The following TBPL2 variants were observed in gnomAD, a reference collection of about 807,000 sequenced individuals.
TBPL2 encodes TATA-box binding protein like 2.
In TBPL2, 40 loss-of-function variants were observed where a neutral mutation model predicts 38.2. That is an observed-to-expected ratio of 1.05 (90% CI 0.81 to 1.36). TBPL2 has a LOEUF of 1.36. TBPL2 is among the 40% of genes most tolerant of loss of function. TBPL2 has a pLI of 0.00. For synonymous variants in TBPL2, 169 were observed against 171.7 expected (o/e 0.98, Z 0.12); for missense variants, 461 against 456.7 (o/e 1.01, Z -0.09).
At chr14:55,436,494 G>T in intron 2 of TBPL2, 67 bp downstream of exon 2, 1 of 1,329,136 alleles carries the variant, frequency 7.5e-7, no homozygotes, top group Non-Finnish European at 1.1e-6. Context: ...GAAATTAGTT[G>T]TCATCGCATT....
At chr14:55,436,291 C>G (rs1192659157) in intron 2 of TBPL2, among the ~76,000 whole-genome samples, 2 of 152,326 alleles carry the variant, frequency 1.3e-5, no homozygotes, top group South Asian at 4.1e-4. Context: ...TCAGCAACTA[C>G]AGTGCTGTAG....
exon 2 of TBPL2, chr14:55,436,798 T>C (rs1367941720): frequency 9.3e-6 from 15 of 1,614,252 alleles, no homozygotes; most frequent in Non-Finnish European, 1.2e-5. Flanking sequence ...GCTTTCAGAA[T>C]TTTCTTCAGT....
intron 6 of TBPL2, among the ~76,000 whole-genome samples, chr14:55,421,308 G>A (rs1010747148): frequency 2.6e-5 from 4 of 152,208 alleles, no homozygotes; most frequent in African/African-American, 4.8e-5. Flanking sequence ...TTATTGGCAG[G>A]CTTTTCTCAC....
chr14:55,431,608 TC>T (rs1885927036), intron 4 of TBPL2, among the ~76,000 whole-genome samples: 1 of 152,336 alleles, frequency 6.6e-6, no homozygotes, highest in East Asian at 1.9e-4. Flanking sequence ...AAATGGAGAT[TC>T]CTGGGATCAA....
At chr14:55,429,064 C>T (rs919567689) in intron 4 of TBPL2, 90 bp from the exon 5 acceptor site, 67 of 1,479,364 alleles carry the variant, frequency 4.5e-5, no homozygotes, top group Non-Finnish European at 5.4e-5. Flanking sequence ...ATTTGTACCA[C>T]GTTTATCTTT....
intron 4 of TBPL2, among the ~76,000 whole-genome samples, chr14:55,429,656 C>T (rs890405960): frequency 3.3e-5 from 5 of 150,576 alleles, no homozygotes; most frequent in Non-Finnish European, 7.4e-5. Flanking sequence ...ATCCCAGCTA[C>T]TCAGGAGGCT....
chr14:55,436,043 G>A, intron 2 of TBPL2, 109 bp from the exon 3 acceptor site: 3 of 617,986 alleles, frequency 4.9e-6, no homozygotes, highest in Non-Finnish European at 7.9e-6. Flanking sequence ...ATTTCCTAGG[G>A]GGAGAATTAT....
At chr14:55,414,348 C>T (rs1885637120) in exon 7 of TBPL2, 2 of 1,528,210 alleles carry the variant, frequency 1.3e-6, no homozygotes, top group Admixed American at 1.9e-5. Context: ...CATATTCAAA[C>T]CAGAATAATG....
chr14:55,421,486 T>C (rs1885744156), intron 6 of TBPL2, among the ~76,000 whole-genome samples: 1 of 152,184 alleles, frequency 6.6e-6, no homozygotes, highest in African/African-American at 2.4e-5. Flanking sequence ...TTAATTAAGA[T>C]GAAGTCTCAC....
At chr14:55,424,880 C>A (rs1314751192) in intron 5 of TBPL2, among the ~76,000 whole-genome samples, 1 of 152,202 alleles carries the variant, frequency 6.6e-6, no homozygotes, top group Non-Finnish European at 1.5e-5. Flanking sequence ...CTTCTCCACA[C>A]TCCAGCCTGG....
intron 6 of TBPL2, among the ~76,000 whole-genome samples, chr14:55,419,770 CTG>C (rs1457173632): frequency 1.3e-5 from 2 of 152,226 alleles, no homozygotes; most frequent in African/African-American, 4.8e-5. Context: ...TGCCACACAT[CTG>C]TACTATGGGC....
At chr14:55,435,222 A>G (rs1885994489) in intron 3 of TBPL2, among the ~76,000 whole-genome samples, 1 of 152,038 alleles carries the variant, frequency 6.6e-6, no homozygotes, top group South Asian at 2.1e-4. Context: ...GGCAAAAATT[A>G]TTTCCAGAAA....
In TBPL2 at chr14:55,426,047, G is replaced by A. The variant is rs1270900124; in HGVS notation, c.957-1794C>T. On this transcript the variant is annotated intron_variant, in intron 5 of 6. Coordinates refer to ENST00000247219, the Ensembl canonical transcript of TBPL2. ...CTTGGGAAGTCGAGGTGGGTGGATC[G>A]CCTGAGGTCAGGAGTTCAAGACCAG... is the stretch of plus-strand genomic sequence containing the variant. Among the ~76,000 whole-genome samples the A allele has an allele frequency of 3.9e-5, 6 of 152,090 alleles. No homozygotes were observed. In the East Asian group the frequency reaches 7.7e-4, roughly 20 times the overall value.
At chr14:55,426,547 A>AC (rs1885827181) in intron 5 of TBPL2, among the ~76,000 whole-genome samples, 1 of 152,084 alleles carries the variant, frequency 6.6e-6, no homozygotes, top group East Asian at 1.9e-4. Context: ...TAAAAATTCA[A>AC]ATCTTCTAAG....
chr14:55,417,484 C>T lies in TBPL2; in HGVS notation c.1052-3029G>A, dbSNP rs568006419. 7.5e-4 allele frequency among the ~76,000 whole-genome samples: 111 copies of T among 148,312 alleles called. 1 individual carries two copies. The highest frequency in any genetic ancestry group is 2.6e-3 in the African/African-American group (105 of 40,062). On this transcript the variant is annotated intron_variant, in intron 6 of 6. Coordinates refer to ENST00000247219, the Ensembl canonical transcript of TBPL2. ...AAAAAAAAAAAAAAAAAAAAAGTCT[C>T]GCTCGGTCACCCAGGCTGGAGTGCT...
chr14:55,427,979 C>A (rs202145772), intron 5 of TBPL2, among the ~76,000 whole-genome samples: 1 of 148,194 alleles, frequency 6.7e-6, no homozygotes, highest in Non-Finnish European at 1.5e-5. Context: ...GGGTTCACGC[C>A]ATTCTCCTGC....
intron 5 of TBPL2, among the ~76,000 whole-genome samples, chr14:55,426,509 G>A (rs1885826248): frequency 6.6e-6 from 1 of 152,174 alleles, no homozygotes; most frequent in Middle Eastern, 3.4e-3. Flanking sequence ...TCCCCACAGA[G>A]CTACAGACAA....
At chr14:55,437,216 C>T (rs564192407) in intron 1 of TBPL2, among the ~76,000 whole-genome samples, 198 bp from the exon 2 acceptor site, 2 of 152,218 alleles carry the variant, frequency 1.3e-5, no homozygotes, top group African/African-American at 4.8e-5. Context: ...GTAGCTCACG[C>T]CTGTAATCCC....
intron 2 of TBPL2, 40 bp from the exon 3 acceptor site, chr14:55,435,974 A>G: frequency 7.4e-6 from 9 of 1,220,774 alleles, no homozygotes; most frequent in Non-Finnish European, 1.0e-5. Context: ...TATCAGATAT[A>G]AAGAGTAAAA....
Sources: gnomAD v4.1 joint callset for allele counts (sites outside exome capture counted in the v4.1 genomes callset) on GRCh38, gnomAD v4.1.1 for gene constraint, MANE v1.5 for transcripts, NCBI Gene and HGNC (gene_info 2026-07-23, HGNC 2026-07-21) for gene names.